The following PLD5 variants were observed in gnomAD, a reference collection of about 807,000 sequenced individuals.
The protein encoded by PLD5 is inactive phospholipase D5.
Under a neutral mutation model 61.1 loss-of-function variants are expected in PLD5, and 36 were observed. The ratio of observed to expected loss-of-function variants is 0.59; its 90% CI spans 0.45 to 0.78. PLD5 has a LOEUF of 0.78. Ranked by LOEUF, PLD5 falls within the 30% of genes least tolerant of loss-of-function variation. The pLI is 0.00. For missense variants in PLD5, 515 were observed against 644.4 expected (o/e 0.80, Z 2.17); for synonymous variants, 243 against 242.8 (o/e 1.00, Z -0.01).
chr1:242,313,101 C>T (rs934167629), intron 2 of PLD5, among the ~76,000 whole-genome samples: 1 of 152,308 alleles, frequency 6.6e-6, no homozygotes, highest in Non-Finnish European at 1.5e-5. Flanking sequence ...ACAGACTTTG[C>T]ATGTAGGAAA....
intron 5 of PLD5, among the ~76,000 whole-genome samples, chr1:242,175,119 G>A (rs1169278726): frequency 1.3e-5 from 2 of 152,218 alleles, no homozygotes; most frequent in African/African-American, 4.8e-5. Context: ...GCATCATCCT[G>A]ATACCAAAAC....
At chr1:242,440,313 G>T (rs535828928) in intron 1 of PLD5, among the ~76,000 whole-genome samples, 1 of 152,250 alleles carries the variant, frequency 6.6e-6, no homozygotes, top group Admixed American at 6.5e-5. Context: ...CTTGAAAGTT[G>T]GTTGCTGGTC....
intron 3 of PLD5, among the ~76,000 whole-genome samples, chr1:242,280,789 A>G (rs1174948112): frequency 1.3e-5 from 2 of 152,234 alleles, no homozygotes; most frequent in African/African-American, 4.8e-5. Context: ...TTCAGGCCAC[A>G]CGAGTATTAG....
intron 5 of PLD5, among the ~76,000 whole-genome samples, chr1:242,165,958 C>T (rs1237659361): frequency 2.0e-5 from 3 of 152,200 alleles, no homozygotes; most frequent in Non-Finnish European, 1.5e-5. Flanking sequence ...TTCAGTCCTT[C>T]CTTGCATAAC....
chr1:242,373,823 A>G (rs1661792101), intron 1 of PLD5, among the ~76,000 whole-genome samples: 1 of 151,882 alleles, frequency 6.6e-6, no homozygotes, highest in African/African-American at 2.4e-5. Flanking sequence ...GGTGAGAGGG[A>G]TAGCATTAGG....
At chr1:242,417,847 C>T (rs1664914699) in intron 1 of PLD5, among the ~76,000 whole-genome samples, 1 of 152,160 alleles carries the variant, frequency 6.6e-6, no homozygotes, top group African/African-American at 2.4e-5. Flanking sequence ...AGGGAAGGAT[C>T]ACCAAGGCAG....
At chr1:242,400,772 G>A (rs1240547630) in intron 1 of PLD5, among the ~76,000 whole-genome samples, 3 of 152,024 alleles carry the variant, frequency 2.0e-5, no homozygotes, top group African/African-American at 7.3e-5. Context: ...ATATGCCCAT[G>A]TGCATAAGCT....
chr1:242,280,867 T>C (rs1574659247), intron 3 of PLD5, among the ~76,000 whole-genome samples: 1 of 152,360 alleles, frequency 6.6e-6, no homozygotes, highest in East Asian at 1.9e-4. Context: ...GTTTCAGGCA[T>C]AGCCCTGTGT....
At chr1:242,160,625 G>T (rs571628088) in intron 5 of PLD5, among the ~76,000 whole-genome samples, 1 of 152,242 alleles carries the variant, frequency 6.6e-6, no homozygotes, top group African/African-American at 2.4e-5. Context: ...GGTGGCTCTC[G>T]CCTGTAATCC....
chr1:242,195,650 G>A (rs1172431444), intron 5 of PLD5, among the ~76,000 whole-genome samples: 2 of 152,144 alleles, frequency 1.3e-5, no homozygotes, highest in Non-Finnish European at 2.9e-5. Context: ...CCAGCTCCTC[G>A]GCCACTGCCA....
intron 1 of PLD5, among the ~76,000 whole-genome samples, chr1:242,435,221 C>T (rs573646355): frequency 7.3e-6 from 1 of 137,244 alleles, no homozygotes; most frequent in Non-Finnish European, 1.5e-5. Flanking sequence ...AAAATTGATA[C>T]TCACAAGGGC....
intron 2 of PLD5, among the ~76,000 whole-genome samples, chr1:242,325,289 T>C (rs1658676082): frequency 6.6e-6 from 1 of 151,580 alleles, no homozygotes; most frequent in South Asian, 2.1e-4. Context: ...GCTGTAACTG[T>C]AAAGCAGGGA....
rs1158092178 is a variant in PLD5, at chr1:242,256,017, A to G, written c.607+9320T>C. On this transcript the variant is annotated intron_variant, in intron 4 of 9. Transcript: ENST00000536534. The surrounding 1 kb of genome is among the most constrained non-coding windows in gnomAD (Gnocchi z 5.7). ...ACCTAAAGATGCCCAGCCAGGGCTT[A>G]TTAGGTCCCTGTGGCTATTGGTTAT... is the stretch of plus-strand genomic sequence containing the variant. Among the ~76,000 whole-genome samples the G allele has an allele frequency of 6.6e-6, 1 of 152,224 alleles. No individual in the cohort carries two copies. The highest frequency in any genetic ancestry group is 1.5e-5 in the Non-Finnish European group (1 of 68,048).
chr1:242,267,144 A>AG (rs1236156460), intron 3 of PLD5, among the ~76,000 whole-genome samples: 2 of 151,664 alleles, frequency 1.3e-5, no homozygotes, highest in African/African-American at 4.9e-5. Flanking sequence ...AAACAAAAAA[A>AG]AAAGAGAGAG....
chr1:242,382,396 T>A (rs2185776), intron 1 of PLD5, among the ~76,000 whole-genome samples: 131,481 of 152,034 alleles, frequency 0.86, 57,187 homozygotes, highest in Non-Finnish European at 0.92. Flanking sequence ...TGTCAGAGAG[T>A]GGTAGGTCAG....
rs1392790389 is a variant in PLD5, at chr1:242,465,699, C to T, written c.189+58389G>A. 4.6e-5 allele frequency among the ~76,000 whole-genome samples: 7 copies of T among 152,170 alleles called. No homozygotes were observed. The East Asian group carries it at 9.6e-4, about 21-fold the overall frequency. On this transcript the variant is annotated intron_variant, in intron 1 of 9. Transcript: ENST00000536534. ...ATCCCAGCACTTTGGGAGGCTGAGG[C>T]GGGTGGATCATGAGGTCAGGAGTTC...
intron 1 of PLD5, among the ~76,000 whole-genome samples, chr1:242,408,786 CG>C (rs1284747491): frequency 6.6e-6 from 1 of 151,818 alleles, no homozygotes; most frequent in Non-Finnish European, 1.5e-5. Context: ...TTAGAAAAAG[CG>C]GCCAGGCACA....
intron 1 of PLD5, among the ~76,000 whole-genome samples, chr1:242,372,077 G>C (rs1489377985): frequency 6.6e-6 from 1 of 152,058 alleles, no homozygotes; most frequent in Non-Finnish European, 1.5e-5. Flanking sequence ...CCCTGTGTCC[G>C]TGTGTTCTCA....
intron 4 of PLD5, among the ~76,000 whole-genome samples, chr1:242,229,469 T>G (rs1419423580): frequency 3.3e-5 from 5 of 152,254 alleles, no homozygotes; most frequent in Non-Finnish European, 7.3e-5. Context: ...GTACTACTAT[T>G]AAAGCTGTGT....
Sources: gnomAD v4.1 joint callset for allele counts (sites outside exome capture counted in the v4.1 genomes callset) on GRCh38, gnomAD v4.1.1 for gene constraint, Gnocchi (gnomAD v3.1) non-coding constraint, MANE v1.5 for transcripts, NCBI Gene and HGNC (gene_info 2026-07-23, HGNC 2026-07-21) for gene names.